The following WLS variants were observed in gnomAD, a reference collection of about 807,000 sequenced individuals.
WLS encodes Wnt ligand secretion mediator.
WLS carries 23 observed loss-of-function variants against 62.8 expected under a neutral mutation model. The ratio of observed to expected loss-of-function variants is 0.37; its 90% confidence interval spans 0.26 to 0.52. WLS has a LOEUF of 0.52. Ranked by LOEUF, WLS falls within the 20% of genes least tolerant of loss-of-function variation. The pLI, the probability that WLS is intolerant of heterozygous loss-of-function variation, is 0.92. For synonymous variants in WLS, 246 were observed against 244.1 expected, an observed-to-expected ratio of 1.01 and a Z score of -0.07; for missense variants, 615 against 697.3, an observed-to-expected ratio of 0.88 and a Z score of 1.33.
intron 11 of WLS, among the ~76,000 whole-genome samples, chr1:68,135,524 T>G (rs1646596579): frequency 6.6e-6 from 1 of 152,084 alleles, no homozygotes; most frequent in South Asian, 2.1e-4. Context: ...GCACAGAGGG[T>G]TAAGTGTTTT....
downstream of WLS, among the ~76,000 whole-genome samples, chr1:68,122,765 T>C (rs993766026): frequency 2.6e-5 from 4 of 152,184 alleles, no homozygotes; most frequent in Non-Finnish European, 5.9e-5. Flanking sequence ...CTGATTGAAA[T>C]GGGTTGCATC....
chr1:68,153,685 G>T, intron 4 of WLS, 32 bp from the exon 5 acceptor site: 6 of 1,613,402 alleles, frequency 3.7e-6, no homozygotes, highest in Non-Finnish European at 5.1e-6. Context: ...TTTTGAAGGT[G>T]AATATTATCT....
intron 11 of WLS, among the ~76,000 whole-genome samples, chr1:68,107,777 G>T (rs1029785961): frequency 1.3e-5 from 2 of 152,068 alleles, no homozygotes; most frequent in African/African-American, 4.8e-5. Flanking sequence ...TACACAGAAG[G>T]GAAATGAGAC....
intron 11 of WLS, among the ~76,000 whole-genome samples, chr1:68,115,075 A>G (rs570314981): frequency 3.0e-4 from 45 of 152,310 alleles, no homozygotes; most frequent in African/African-American, 1.1e-3. Context: ...CCTGGGTCTC[A>G]GTCTTTGAAA....
chr1:68,165,280 CCCCACACTTTTAAAGGGT>C (rs921348609), intron 2 of WLS, among the ~76,000 whole-genome samples: 5 of 152,096 alleles, frequency 3.3e-5, no homozygotes, highest in African/African-American at 9.7e-5. Flanking sequence ...GAAGTTTGGG[CCCCACACTTTTAAAGGGT>C]CCCACACTTT....
chr1:68,117,663 C>CTTATCTTCCCCCG (rs1646310024), intron 11 of WLS: 2 of 152,266 alleles, frequency 1.3e-5, no homozygotes, highest in African/African-American at 4.8e-5. Flanking sequence ...CTCTGTGCTG[C>CTTATCTTCCCCCG]AGTGGACGCT....
At chr1:68,212,131 G>T (rs900114399) in intron 1 of WLS, among the ~76,000 whole-genome samples, 5 of 152,124 alleles carry the variant, frequency 3.3e-5, no homozygotes, top group African/African-American at 1.2e-4. Context: ...CACACAATCT[G>T]TTCACAGCCC....
intron 11 of WLS, among the ~76,000 whole-genome samples, chr1:68,113,961 C>T (rs955279297): frequency 6.6e-6 from 1 of 152,192 alleles, no homozygotes; most frequent in Non-Finnish European, 1.5e-5. Context: ...GCTTAAAAAT[C>T]CAATGCTACT....
At chr1:68,168,979 C>A (rs895481326) in intron 2 of WLS, among the ~76,000 whole-genome samples, 1 of 152,234 alleles carries the variant, frequency 6.6e-6, no homozygotes, top group African/African-American at 2.4e-5. Context: ...AGATGCCCTA[C>A]AGGCCTGGGT....
intron 11 of WLS, among the ~76,000 whole-genome samples, chr1:68,102,129 G>T (rs1033974): frequency 6.6e-6 from 1 of 151,874 alleles, no homozygotes; most frequent in African/African-American, 2.4e-5. Context: ...ATATGCCTTT[G>T]GTATTCCATT....
intron 3 of WLS, among the ~76,000 whole-genome samples, chr1:68,155,649 T>A (rs1646886813): frequency 1.3e-5 from 2 of 152,196 alleles, no homozygotes. Flanking sequence ...CCTCTAAGGC[T>A]CTGTGGAACA....
chr1:68,143,198 G>A (rs779166306), intron 10 of WLS, among the ~76,000 whole-genome samples: 51 of 152,276 alleles, frequency 3.3e-4, no homozygotes, highest in Non-Finnish European at 5.4e-4. Context: ...ATGGTTAGGA[G>A]TCCCTGTACT....
At chr1:68,150,396 C>G (rs777772271) in intron 5 of WLS, 40 bp from the exon 6 acceptor site, 2 of 1,604,510 alleles carry the variant, frequency 1.2e-6, no homozygotes, top group East Asian at 4.5e-5. Flanking sequence ...CTTTATTCAT[C>G]TGGAAGGCAG....
intron 11 of WLS, among the ~76,000 whole-genome samples, chr1:68,133,784 T>G (rs1646565926): frequency 6.6e-6 from 1 of 152,330 alleles, no homozygotes; most frequent in Non-Finnish European, 1.5e-5. Flanking sequence ...TACCCACTTC[T>G]ACTTCCTCCT....
intron 11 of WLS, among the ~76,000 whole-genome samples, chr1:68,116,995 CA>C (rs1483132128): frequency 6.6e-6 from 1 of 152,196 alleles, no homozygotes; most frequent in Non-Finnish European, 1.5e-5. Context: ...CACCTTTGTG[CA>C]GGTTAGAATG....
intron 10 of WLS, among the ~76,000 whole-genome samples, chr1:68,143,978 G>A (rs1004014296): frequency 9.2e-5 from 14 of 152,096 alleles, no homozygotes; most frequent in African/African-American, 2.7e-4. Flanking sequence ...TACTTACCTC[G>A]TAGGATTTTT....
At chr1:68,155,729 TCTC>T (rs1477066621) in intron 3 of WLS, among the ~76,000 whole-genome samples, 1 of 152,054 alleles carries the variant, frequency 6.6e-6, no homozygotes, top group Non-Finnish European at 1.5e-5. Flanking sequence ...GGCTAATTAT[TCTC>T]CTGATTTTGG....
rs367742020 is a variant in WLS, at chr1:68,144,538, T to C, written c.1362+31A>G. Reference sequence around the variant, plus strand: ...GGGTAGAGGGATCTCTGCAGAGACATTCTCACCTTGACATCTCAGGGTCCA... The same window carrying C: ...GGGTAGAGGGATCTCTGCAGAGACACTCTCACCTTGACATCTCAGGGTCCA... On this transcript the variant is annotated intron_variant, in intron 10 of 11. Coordinates refer to ENST00000262348, the MANE Select transcript of WLS (RefSeq NM_024911.7). 30 of 1,600,898 alleles carry C rather than the reference T, an allele frequency of 1.9e-5. No homozygotes were observed. The African/African-American group carries it at 3.9e-4, about 21-fold the overall frequency.
chr1:68,199,642 G>C (rs1377021814), intron 1 of WLS, among the ~76,000 whole-genome samples: 1 of 152,170 alleles, frequency 6.6e-6, no homozygotes, highest in African/African-American at 2.4e-5. Flanking sequence ...TTTCTAATCA[G>C]TGGTATAATT....
Sources: gnomAD v4.1 joint callset for allele counts (sites outside exome capture counted in the v4.1 genomes callset) on GRCh38, gnomAD v4.1.1 for gene constraint, MANE v1.5 for transcripts, NCBI Gene and HGNC (gene_info 2026-07-23, HGNC 2026-07-21) for gene names.